The following ANK3 variants were observed in gnomAD, a reference collection of about 807,000 sequenced individuals.
ANK3 encodes the protein ankyrin-3.
ANK3 carries 57 observed loss-of-function variants against 370.9 expected under a neutral mutation model. The ratio of observed to expected loss-of-function variants is 0.15; its 90% confidence interval spans 0.12 to 0.19. The LOEUF is 0.19. Among genes scored for constraint, ANK3 ranks in the 10% least tolerant of loss-of-function variants. The probability of loss-of-function intolerance (pLI) is 1.00; values close to 1 mark genes in which losing one functional copy is unlikely to be tolerated. For missense variants in ANK3, 4,439 were observed against 5,302.1 expected (o/e 0.84, Z 5.06); for synonymous variants, 1,929 against 1,946.3 (o/e 0.99, Z 0.23).
At chr10:60,480,480 A>T (rs1175792922) in intron 2 of ANK3, among the ~76,000 whole-genome samples, 1 of 152,160 alleles carries the variant, frequency 6.6e-6, no homozygotes, top group African/African-American at 2.4e-5. Context: ...AGAAAAAGGG[A>T]TGTGAAAGCT....
intron 2 of ANK3, among the ~76,000 whole-genome samples, chr10:60,595,611 G>A (rs2077977420): frequency 6.6e-6 from 1 of 152,152 alleles, no homozygotes; most frequent in Non-Finnish European, 1.5e-5. Flanking sequence ...CTGGCTGTGT[G>A]ACTCCTGAGC....
chr10:60,055,993 C>T lies in ANK3; in HGVS notation c.12730G>A (p.Glu4244Lys). The T allele has an allele frequency of 1.2e-6, 2 of 1,613,784 alleles. No individual in the cohort carries two copies. The highest frequency in any genetic ancestry group is 1.3e-5 in the African/African-American group (1 of 75,002). ...CCATTTGCTTCAAATTTGCCAGCTTCTCCTTTGAGATATGAGGTAATGGAA... is the reference window on the plus strand; with the variant it reads ...CCATTTGCTTCAAATTTGCCAGCTTTTCCTTTGAGATATGAGGTAATGGAA... Reference protein sequence around the residue: ...RDSITSYLKGEAGKFEANGSH... With the variant: ...RDSITSYLKGKAGKFEANGSH... Residue 4244 changes from glutamate to lysine, a missense_variant, in exon 42 of 44, where the codon GAA becomes AAA. Glu to Lys is a moderately conservative substitution (Grantham distance 56). Transcript: ENST00000280772.
At chr10:60,116,304 A>G (rs985056600) in intron 25 of ANK3, among the ~76,000 whole-genome samples, 6 of 152,196 alleles carry the variant, frequency 3.9e-5, no homozygotes, top group African/African-American at 1.4e-4. Context: ...TGACCTGCCC[A>G]TTGGAATTTC....
intron 2 of ANK3, among the ~76,000 whole-genome samples, chr10:60,537,995 G>A (rs1295141518): frequency 2.6e-5 from 4 of 151,784 alleles, no homozygotes; most frequent in South Asian, 2.1e-4. Context: ...ATAAATTCTC[G>A]GTTCTTTTTT....
chr10:60,094,280 C>T (rs3793855), intron 28 of ANK3, among the ~76,000 whole-genome samples: 16,130 of 150,794 alleles, frequency 0.11, 1,110 homozygotes, highest in African/African-American at 0.2. Context: ...TTTCACCTCC[C>T]GGATTCAAGC....
intron 2 of ANK3, among the ~76,000 whole-genome samples, chr10:60,485,377 T>C (rs959318957): frequency 2.0e-5 from 3 of 152,164 alleles, no homozygotes; most frequent in Non-Finnish European, 4.4e-5. Flanking sequence ...GCTTTTCTCA[T>C]CGGATGTGAA....
chr10:60,411,050 G>A lies in ANK3; in HGVS notation c.97-131411C>T, dbSNP rs142076202. On this transcript the variant is annotated intron_variant, in intron 2 of 43. Coordinates refer to the ANK3 transcript ENST00000373827. Reference sequence around the variant, plus strand: ...GACCCAGCTACCAAGGATCCACTGGGGGAACTCCAAGGAACTGGTGGATAA... The same window carrying A: ...GACCCAGCTACCAAGGATCCACTGGAGGAACTCCAAGGAACTGGTGGATAA... 4.4e-3 allele frequency among the ~76,000 whole-genome samples: 672 copies of A among 152,204 alleles called. 8 individuals carry two copies. The highest frequency in any genetic ancestry group is 0.015 in the African/African-American group (624 of 41,542).
At chr10:60,087,487 T>C (rs1230077438) in intron 29 of ANK3, among the ~76,000 whole-genome samples, 1 of 152,206 alleles carries the variant, frequency 6.6e-6, no homozygotes, top group Non-Finnish European at 1.5e-5. Context: ...ATCTCAGGAC[T>C]TAAGTATGCT....
intron 2 of ANK3, among the ~76,000 whole-genome samples, chr10:60,433,102 G>C (rs964757723): frequency 6.6e-6 from 1 of 152,054 alleles, no homozygotes; most frequent in Non-Finnish European, 1.5e-5. Flanking sequence ...GGCCAGAAAT[G>C]ATTGATAAAA....
chr10:60,042,711 C>T lies in ANK3; in HGVS notation c.13114G>A (p.Glu4372Lys). The T allele has an allele frequency of 5.6e-6, 9 of 1,614,096 alleles. No individual in the cohort carries two copies. Among genetic ancestry groups the T allele is most frequent in the Non-Finnish European group, 7.6e-6 (9 of 1,179,982 alleles). The stretch of plus-strand genomic sequence containing the variant: ...CGCTGTTACGAGTGGCTCTTCTTTT[C>T]CACATGCCGGATTTCTTTCTTCGTT... The part of the protein sequence containing the change: ...VKTKKEIRHV[E>K]KKSHS Residue 4372 changes from glutamate to lysine, a missense_variant, in exon 43 of 44, where the codon GAA becomes AAA. Glu to Lys is a moderately conservative substitution (Grantham distance 56, BLOSUM62 1). Around this residue, in one of 13 missense-constraint regions of ANK3, gnomAD observed 242 missense variants for 228.0 expected, o/e 1.06. Transcript: ENST00000280772.
intron 1 of ANK3, among the ~76,000 whole-genome samples, chr10:60,723,194 T>C (rs1013076409): frequency 2.0e-5 from 3 of 152,276 alleles, no homozygotes; most frequent in African/African-American, 4.8e-5. Context: ...AGGCTGCAGA[T>C]AAGGAAATCA....
intron 31 of ANK3, 44 bp from the exon 32 acceptor site, chr10:60,084,874 A>G: frequency 7.2e-7 from 1 of 1,395,866 alleles, no homozygotes; most frequent in Non-Finnish European, 9.7e-7. Flanking sequence ...TGGCTATTTA[A>G]AAGCCAAATC....
chr10:60,089,841 G>A (rs73255291), intron 28 of ANK3, among the ~76,000 whole-genome samples: 13,423 of 151,648 alleles, frequency 0.089, 824 homozygotes, highest in African/African-American at 0.17. Context: ...TTTTATATAT[G>A]TATTATGTAT....
At chr10:60,167,423 C>T (rs1287728598) in intron 21 of ANK3, among the ~76,000 whole-genome samples, 1 of 152,102 alleles carries the variant, frequency 6.6e-6, no homozygotes, top group Admixed American at 6.5e-5. Context: ...TGAAAAAATA[C>T]TTAAAAGGTG....
intron 1 of ANK3, chr10:60,685,074 G>C: frequency 7.9e-7 from 1 of 1,267,644 alleles, no homozygotes; most frequent in South Asian, 1.2e-5. Flanking sequence ...TTAAAGAAAA[G>C]ATGAATATCA....
At chr10:60,558,418 G>A (rs1196440764) in intron 2 of ANK3, among the ~76,000 whole-genome samples, 1 of 152,158 alleles carries the variant, frequency 6.6e-6, no homozygotes, top group Non-Finnish European at 1.5e-5. Flanking sequence ...ATGGCAATGG[G>A]AAATTCCACA....
At chr10:60,529,311 G>C (rs1309626705) in intron 2 of ANK3, among the ~76,000 whole-genome samples, 3 of 152,102 alleles carry the variant, frequency 2.0e-5, no homozygotes, top group African/African-American at 7.2e-5. Flanking sequence ...TGAAACATTG[G>C]ATCACAAAAT....
chr10:60,463,467 C>G (rs79082892), intron 2 of ANK3, among the ~76,000 whole-genome samples: 13,223 of 152,128 alleles, frequency 0.087, 678 homozygotes, highest in South Asian at 0.17. Context: ...TTTTGTAAAG[C>G]TCCCTGTCAT....
intron 23 of ANK3, among the ~76,000 whole-genome samples, chr10:60,141,601 C>G (rs2094572806): frequency 7.5e-6 from 1 of 133,086 alleles, no homozygotes; most frequent in Admixed American, 7.8e-5. Context: ...CCCTCCAGCC[C>G]CCACCGCCCC....
Sources: allele counts gnomAD v4.1 joint callset (sites outside exome capture counted in the v4.1 genomes callset), GRCh38; gene constraint gnomAD v4.1.1; regional missense constraint gnomAD v4.1.1; transcripts MANE v1.5; gene names NCBI Gene and HGNC (gene_info 2026-07-23, HGNC 2026-07-21).